CNTN3: variants seen among roughly 807,000 people sequenced by gnomAD.
CNTN3 encodes the protein contactin 3.
CNTN3 carries 60 observed loss-of-function variants against 119.1 expected under a neutral mutation model. The ratio of observed to expected loss-of-function variants is 0.50; its 90% CI spans 0.41 to 0.62. The LOEUF (loss-of-function observed/expected upper bound fraction) is 0.62. CNTN3 is among the 20% of genes least tolerant of loss of function. CNTN3 has a pLI of 0.00. For synonymous variants in CNTN3, 450 were observed against 438.7 expected (o/e 1.03, Z -0.32); for missense variants, 1,101 against 1,242.4 (o/e 0.89, Z 1.71).
intron 11 of CNTN3, among the ~76,000 whole-genome samples, chr3:74,355,578 C>T (rs1703916142): frequency 6.6e-6 from 1 of 152,000 alleles, no homozygotes; most frequent in Non-Finnish European, 1.5e-5. Flanking sequence ...CCTCAGTCTC[C>T]CCAGTAGCTG....
intron 12 of CNTN3, among the ~76,000 whole-genome samples, chr3:74,335,629 G>A (rs1334612576): frequency 6.6e-6 from 1 of 152,026 alleles, no homozygotes; most frequent in South Asian, 2.1e-4. Flanking sequence ...ACTCAGTCTA[G>A]CCAGATTTTG....
At chr3:74,298,873 G>T (rs1161947552) in intron 17 of CNTN3, among the ~76,000 whole-genome samples, 6 of 138,966 alleles carry the variant, frequency 4.3e-5, no homozygotes, top group African/African-American at 1.7e-4. Flanking sequence ...GGGTGACAGA[G>T]AGAGACTCCA....
At chr3:74,577,736 C>A (rs901476010) in intron 1 of CNTN3, among the ~76,000 whole-genome samples, 4 of 151,982 alleles carry the variant, frequency 2.6e-5, no homozygotes. Flanking sequence ...GGTCTTGGGT[C>A]ACATACTAAC....
intron 5 of CNTN3, among the ~76,000 whole-genome samples, chr3:74,400,355 C>T (rs749519612): frequency 9.9e-5 from 15 of 152,128 alleles, no homozygotes; most frequent in Non-Finnish European, 1.3e-4. Context: ...ATTGCTTTCT[C>T]GAGGAACGGC....
At chr3:74,520,089 G>A (rs530576578) in intron 2 of CNTN3, among the ~76,000 whole-genome samples, 87 of 151,536 alleles carry the variant, frequency 5.7e-4, no homozygotes, top group African/African-American at 2.1e-3. Flanking sequence ...AAAGTCTCAA[G>A]CTACTTTTTT....
chr3:74,282,022 C>A (rs1468063811), intron 20 of CNTN3, among the ~76,000 whole-genome samples: 2 of 152,150 alleles, frequency 1.3e-5, no homozygotes, highest in African/African-American at 4.8e-5. Flanking sequence ...TTTTTAGAAA[C>A]TAATGCAACT....
intron 20 of CNTN3, among the ~76,000 whole-genome samples, chr3:74,281,947 A>G (rs1004108301): frequency 7.2e-5 from 11 of 152,350 alleles, no homozygotes; most frequent in Admixed American, 7.2e-4. Flanking sequence ...TTTTGATTAT[A>G]CAAAGCAGAA....
At chr3:74,499,608 C>T in intron 3 of CNTN3, 51 bp downstream of exon 3, 3 of 1,550,368 alleles carry the variant, frequency 1.9e-6, no homozygotes, top group Non-Finnish European at 1.7e-6. Flanking sequence ...ACAATCACCA[C>T]ATAAGTGTGT....
At chr3:74,610,323 A>C (rs1705059530) in intron 1 of CNTN3, among the ~76,000 whole-genome samples, 1 of 123,586 alleles carries the variant, frequency 8.1e-6, no homozygotes. Context: ...ACCCTGTCGA[A>C]AAAAACAAAA....
chr3:74,535,318 G>C (rs1703748957), intron 1 of CNTN3, among the ~76,000 whole-genome samples: 2 of 151,914 alleles, frequency 1.3e-5, no homozygotes, highest in African/African-American at 4.8e-5. Flanking sequence ...ATCTAAATTG[G>C]GGCAAACTGT....
rs963564042 is a variant in CNTN3, at chr3:74,425,748, T to C, written c.359-808A>G. On this transcript the variant is annotated intron_variant, in intron 4 of 22. Transcript: ENST00000263665. ...CATTTTATCATAGCCTAAATAGATTTTATTCTACCTATAATTATTTTTATT... is the reference window on the plus strand; with the variant it reads ...CATTTTATCATAGCCTAAATAGATTCTATTCTACCTATAATTATTTTTATT... Among the ~76,000 whole-genome samples the C allele has an allele frequency of 2.0e-4, 30 of 152,286 alleles. No individual in the cohort carries two copies. In the South Asian group the frequency reaches 5.4e-3, roughly 27 times the overall value.
chr3:74,602,161 T>C (rs930048199), intron 1 of CNTN3, among the ~76,000 whole-genome samples: 3 of 151,618 alleles, frequency 2.0e-5, no homozygotes, highest in African/African-American at 7.3e-5. Flanking sequence ...CGGTGGTGCA[T>C]GGCTGTAGTC....
At chr3:74,454,641 A>G (rs932646344) in intron 4 of CNTN3, among the ~76,000 whole-genome samples, 3 of 151,992 alleles carry the variant, frequency 2.0e-5, no homozygotes, top group Non-Finnish European at 2.9e-5. Flanking sequence ...ATTTTGCAGC[A>G]GCTGGTACCG....
intron 5 of CNTN3, among the ~76,000 whole-genome samples, chr3:74,407,413 C>T (rs1382812195): frequency 6.7e-6 from 1 of 149,790 alleles, no homozygotes; most frequent in East Asian, 2.0e-4. Context: ...GGATTACAGG[C>T]ATGTGCCACC....
intron 2 of CNTN3, among the ~76,000 whole-genome samples, chr3:74,513,757 T>G (rs965518752): frequency 6.6e-6 from 1 of 152,134 alleles, no homozygotes; most frequent in African/African-American, 2.4e-5. Flanking sequence ...GTCCTTGTAG[T>G]TAAGAGGAAT....
At chr3:74,509,928 T>C in intron 2 of CNTN3, among the ~76,000 whole-genome samples, 1 of 151,988 alleles carries the variant, frequency 6.6e-6, no homozygotes, top group East Asian at 1.9e-4. Context: ...TTCACTCTTA[T>C]CACCCTCATC....
intron 2 of CNTN3, among the ~76,000 whole-genome samples, chr3:74,505,697 A>G (rs1035540851): frequency 5.9e-5 from 9 of 152,130 alleles, no homozygotes; most frequent in African/African-American, 2.2e-4. Context: ...CTCTAGAAAA[A>G]AAGAAAAAGG....
intron 13 of CNTN3, among the ~76,000 whole-genome samples, chr3:74,326,810 C>T (rs72499088): frequency 0.011 from 1,653 of 152,102 alleles, 14 homozygotes; most frequent in Middle Eastern, 0.02. Context: ...TTGTTTCATA[C>T]TTTATTGCAT....
intron 4 of CNTN3, among the ~76,000 whole-genome samples, chr3:74,468,845 G>C (rs1441899523): frequency 6.6e-6 from 1 of 152,062 alleles, no homozygotes; most frequent in Non-Finnish European, 1.5e-5. Context: ...ATTTGGGAGG[G>C]GTTTAAACAT....
Sources: allele counts gnomAD v4.1 joint callset (sites outside exome capture counted in the v4.1 genomes callset), GRCh38; gene constraint gnomAD v4.1.1; transcripts MANE v1.5; gene names NCBI Gene and HGNC (gene_info 2026-07-23, HGNC 2026-07-21).